PIM2: variants seen among roughly 807,000 people sequenced by gnomAD.
PIM2 encodes the protein serine/threonine-protein kinase pim-2.
A neutral mutation model predicts 18.0 loss-of-function variants in PIM2; 3 were observed. The ratio of observed to expected loss-of-function variants is 0.17; its 90% confidence interval spans 0.08 to 0.43. The LOEUF is 0.43. PIM2 is among the 20% of genes least tolerant of loss of function. The pLI is 0.99. For synonymous variants in PIM2, 117 were observed against 105.3 expected (o/e 1.11, Z -0.68); for missense variants, 181 against 260.8 (o/e 0.69, Z 2.11).
At chrX:48,917,645 C>T (rs1557045389) in intron 3 of PIM2, 136 bp downstream of exon 3, 9 of 500,090 alleles carry the variant, frequency 1.8e-5, no homozygotes, top group Non-Finnish European at 2.9e-5. Context: ...GTATGTCACC[C>T]CAAGGGAGTA....
At chrX:48,918,481 G>A in intron 2 of PIM2, 55 bp downstream of exon 2, 1 of 880,815 alleles carries the variant, frequency 1.1e-6, no homozygotes. Context: ...CCAGGGCCAG[G>A]ACCCCCGCCC....
At position 48,914,121 on chromosome X, in the gene PIM2, C is replaced by T; in HGVS notation, c.*10G>A. ...CTGACCATTGGGGGCCAGGCCAGGCCAGGCCAGGCTTAGGGTAGCAAGGAC... is the reference window on the plus strand; with the variant it reads ...CTGACCATTGGGGGCCAGGCCAGGCTAGGCCAGGCTTAGGGTAGCAAGGAC... On this transcript the variant is annotated 3_prime_UTR_variant, in exon 6 of 6. Transcript: ENST00000376509. The T allele has an allele frequency of 9.2e-7, 1 of 1,084,041 alleles. No homozygotes were observed. Among genetic ancestry groups the T allele is most frequent in the Non-Finnish European group, 1.2e-6 (1 of 817,017 alleles). The allele number at this position is 1,084,041 out of a possible 1,213,427, so 89.3% of individuals were successfully genotyped here.
intron 4 of PIM2, 157 bp from the exon 5 acceptor site, chrX:48,914,728 C>T (rs2063558351): frequency 4.1e-6 from 2 of 487,657 alleles, no homozygotes; most frequent in South Asian, 7.4e-5. Flanking sequence ...ACAGAGTCCC[C>T]TCAACAGAAT....
Position 48,918,860 on chromosome X carries a change from C to T in PIM2, c.-26G>A. On this transcript the variant is annotated 5_prime_UTR_variant, in exon 1 of 6. Coordinates refer to ENST00000376509, the MANE Select transcript of PIM2 (RefSeq NM_006875.4). The stretch of plus-strand genomic sequence containing the variant: ...GGAGGTGGCGCTGCGCAGATTGAGC[C>T]CACTGAACCCGCTAAGCCCGCAGGG... 8.5e-7 allele frequency: 1 copy of T among 1,176,811 alleles called. No homozygotes were observed. Among genetic ancestry groups the T allele is most frequent in the Non-Finnish European group, 1.1e-6 (1 of 875,178 alleles).
In PIM2 at chrX:48,915,263, G is replaced by A. The variant is rs782228700; in HGVS notation, c.352C>T (p.Arg118Trp). The change falls in exon 4 of 6, where the codon CGG becomes TGG. Residue 118 changes from arginine to tryptophan, a missense_variant. Coordinates refer to ENST00000376509, the MANE Select transcript of PIM2 (RefSeq NM_006875.4). Reference sequence around the variant, plus strand: ...AAGAGATCCTGGGCGGGCAAAGGCCGCTCGAGGACCAGCATGAAGCCCTCC... The same window carrying A: ...AAGAGATCCTGGGCGGGCAAAGGCCACTCGAGGACCAGCATGAAGCCCTCC... ...TQEGFMLVLE[R>W]PLPAQDLFDY... 6 of 1,211,928 alleles carry A rather than the reference G, an allele frequency of 5.0e-6. No homozygotes were observed. The highest frequency in any genetic ancestry group is 6.7e-6 in the Non-Finnish European group (6 of 895,472).
chrX:48,917,759 G>T, intron 3 of PIM2, 22 bp downstream of exon 3: 2 of 1,176,622 alleles, frequency 1.7e-6, no homozygotes, highest in Non-Finnish European at 1.2e-6. Context: ...GGTAGGTTAG[G>T]AAGGGCTCCG....
At chrX:48,917,559 G>A (rs1380156009) in intron 3 of PIM2, among the ~76,000 whole-genome samples, 1 of 113,279 alleles carries the variant, frequency 8.8e-6, no homozygotes, top group African/African-American at 3.2e-5. Context: ...CCCCAGCAGT[G>A]TTTGGAGGAA....
In PIM2 at chrX:48,918,544, G is replaced by C. The variant is rs1602353523; in HGVS notation, c.163C>G (p.Arg55Gly). The change falls in exon 2 of 6, where the codon CGA becomes GGA. Residue 55 changes from arginine (R) to glycine (G), a missense_variant. By Grantham distance (125) the Arg-to-Gly change is moderately radical. Around this residue, in one of 5 missense-constraint regions of PIM2, gnomAD observed 104 missense variants for 125.3 expected, o/e 0.83. Coordinates refer to ENST00000376509, the MANE Select transcript of PIM2 (RefSeq NM_006875.4). ...ACCCTCATGACGGATACCTGGAGTC[G>C]ATCTGTGAGGCGGTGTCCTGCGAAG... Reference protein sequence around the residue: ...TVFAGHRLTDRLQVAIKVIPR... With the variant: ...TVFAGHRLTDGLQVAIKVIPR... 8.3e-7 allele frequency: 1 copy of C among 1,197,722 alleles called. No homozygotes were observed. The highest frequency in any genetic ancestry group is 1.1e-6 in the Non-Finnish European group (1 of 884,466).
intron 3 of PIM2, among the ~76,000 whole-genome samples, 195 bp downstream of exon 3, chrX:48,917,586 T>C (rs1363539157): frequency 6.2e-5 from 7 of 113,005 alleles, no homozygotes; most frequent in African/African-American, 2.2e-4. Flanking sequence ...TAAAGGTTTG[T>C]TGGAGGGGAG....
In PIM2 at chrX:48,915,087, G is replaced by A. The variant is rs782016042; in HGVS notation, c.528C>T (p.Gly176=). Residue 176 remains glycine, a synonymous_variant, in exon 4 of 6, where the codon GGC becomes GGT. Transcript: ENST00000376509. The part of the protein sequence containing the change: ...DENILIDLRR[G]CAKLIDFGSG... ...AACCAAAATCAATGAGTTTGGCACA[G>A]CCACGGCGTAGGTCTATCAGGATGT... 2 of 1,209,087 alleles carry A rather than the reference G, an allele frequency of 1.7e-6. No individual in the cohort carries two copies. The highest frequency in any genetic ancestry group is 3.0e-5 in the East Asian group (1 of 33,761).
At chrX:48,915,439 T>C in intron 3 of PIM2, 47 bp from the exon 4 acceptor site, 1 of 1,141,822 alleles carries the variant, frequency 8.8e-7, no homozygotes. Context: ...AAAAGACAGA[T>C]GTCAGGGCAA....
chrX:48,915,034 T>C lies in PIM2; in HGVS notation c.581A>G (p.Tyr194Cys). 8.3e-7 allele frequency: 1 copy of C among 1,205,336 alleles called. No homozygotes were observed. Among genetic ancestry groups the C allele is most frequent in the Non-Finnish European group, 1.1e-6 (1 of 890,811 alleles). Residue 194 changes from tyrosine to cysteine, a missense_variant, in exon 4 of 6, where the codon TAC becomes TGC. Around this residue, in one of 5 missense-constraint regions of PIM2, gnomAD observed 26 missense variants for 31.1 expected, o/e 0.84. Coordinates refer to ENST00000376509, the MANE Select transcript of PIM2 (RefSeq NM_006875.4). ...AGAAGCCTTACCATCAAAGTCAGTGTAGGGTTCATCATGAAGCAGGGCACC... is the reference window on the plus strand; with the variant it reads ...AGAAGCCTTACCATCAAAGTCAGTGCAGGGTTCATCATGAAGCAGGGCACC... ...GSGALLHDEP[Y>C]TDFDGTRVYS... is the part of the protein sequence containing the mutation.
intron 2 of PIM2, among the ~76,000 whole-genome samples, chrX:48,918,304 C>G (rs1323026488): frequency 2.7e-5 from 2 of 72,980 alleles, no homozygotes; most frequent in Non-Finnish European, 5.2e-5. Context: ...CCCTGCCCCC[C>G]CCCCCCGCCC....
At chrX:48,918,680 G>T in intron 1 of PIM2, 35 bp from the exon 2 acceptor site, 1 of 1,130,249 alleles carries the variant, frequency 8.8e-7, no homozygotes, top group Non-Finnish European at 1.2e-6. Context: ...CAGGGTGGCG[G>T]CGTGCTGAGC....
intron 2 of PIM2, 53 bp downstream of exon 2, chrX:48,918,483 C>G: frequency 2.2e-6 from 2 of 895,179 alleles, no homozygotes; most frequent in Non-Finnish European, 3.2e-6. Context: ...AGGGCCAGGA[C>G]CCCCGCCCCC....
At chrX:48,916,755 G>C (rs1408386451) in intron 3 of PIM2, among the ~76,000 whole-genome samples, 1 of 111,040 alleles carries the variant, frequency 9.0e-6, no homozygotes, top group Non-Finnish European at 1.9e-5. Context: ...GCCTGAGGCA[G>C]GAGAATCGCT....
At chrX:48,917,975 G>A (rs2063567799) in intron 2 of PIM2, 144 bp from the exon 3 acceptor site, 2 of 498,607 alleles carry the variant, frequency 4.0e-6, no homozygotes, top group Non-Finnish European at 3.6e-6. Flanking sequence ...CACAGAACGC[G>A]TACCAGGGCG....
In PIM2 at chrX:48,914,745, A is replaced by G. The variant is rs992591916; in HGVS notation, c.596-174T>C. ...AGAGTCCCCTCAACAGAATAAAAGC[A>G]CTGAAAAGTAACAGGATCCCCTTAC... On this transcript the variant is annotated intron_variant, in intron 4 of 5. Transcript: ENST00000376509. The G allele has an allele frequency of 8.5e-5, 40 of 469,424 alleles. 1 individual carries two copies. The African/African-American group carries it at 9.7e-4, about 11-fold the overall frequency. The allele number at this position is 469,424 out of a possible 1,213,427, so 38.7% of individuals were successfully genotyped here. A position where few individuals can be genotyped will look rare whatever the true frequency, so the allele number is the denominator to read the frequency against.
chrX:48,914,014 A>T lies in PIM2; in HGVS notation c.*117T>A, dbSNP rs1557044899. On this transcript the variant is annotated 3_prime_UTR_variant, in exon 6 of 6. Transcript: ENST00000376509. ...CAATCCCTTACCTTAGTAATACTGG[A>T]CTTTAATGACTGGTAATGACCTGTA... The T allele has an allele frequency of 1.1e-5, 5 of 466,774 alleles. No individual in the cohort carries two copies. Among genetic ancestry groups the T allele is most frequent in the Non-Finnish European group, 1.8e-5 (5 of 273,346 alleles). 38.5% of individuals were successfully genotyped at this position (466,774 alleles called of 1,213,427 possible). A position where few individuals can be genotyped will look rare whatever the true frequency, so the allele number is the denominator to read the frequency against.
Sources: gnomAD v4.1 joint callset for allele counts (sites outside exome capture counted in the v4.1 genomes callset) on GRCh38, gnomAD v4.1.1 for gene constraint, gnomAD v4.1.1 regional missense constraint, MANE v1.5 for transcripts, NCBI Gene and HGNC (gene_info 2026-07-23, HGNC 2026-07-21) for gene names.